GIGYF1: variants seen among roughly 807,000 people sequenced by gnomAD.
The protein encoded by GIGYF1 is GRB10 interacting GYF protein 1.
GIGYF1 carries 84 observed loss-of-function variants against 147.1 expected under a neutral mutation model. The observed-to-expected ratio is 0.57, with a 90% CI of 0.48 to 0.68. The LOEUF (loss-of-function observed/expected upper bound fraction) is 0.68. Among genes scored for constraint, GIGYF1 ranks in the 30% least tolerant of loss-of-function variants. GIGYF1 has a pLI of 0.00. For synonymous variants in GIGYF1, 752 were observed against 589.5 expected, an observed-to-expected ratio of 1.28 and a Z score of -3.99; for missense variants, 1,485 against 1,393.7, an observed-to-expected ratio of 1.07 and a Z score of -1.04.
Position 100,681,790 on chromosome 7 carries a change from T to C in GIGYF1, c.3056-19A>G, listed in dbSNP as rs767769861. The C allele has an allele frequency of 6.3e-6, 10 of 1,590,684 alleles. No homozygotes were observed. Among genetic ancestry groups the C allele is most frequent in the Admixed American group, 1.7e-5 (1 of 57,282 alleles). Reference sequence around the variant, plus strand: ...GAGTACCCTGAAGCCGGGGAGAAGCTGCGTCTGAGCTCTCTCCTGGGCTCC... The same window carrying C: ...GAGTACCCTGAAGCCGGGGAGAAGCCGCGTCTGAGCTCTCTCCTGGGCTCC... On this transcript the variant is annotated intron_variant, in intron 26 of 26. Coordinates refer to ENST00000678049, the MANE Select transcript of GIGYF1 (RefSeq NM_001375765.1).
intron 19 of GIGYF1, 90 bp from the exon 20 acceptor site, chr7:100,683,722 A>G (rs982260765): frequency 8.4e-6 from 13 of 1,553,756 alleles, no homozygotes; most frequent in Non-Finnish European, 1.2e-5. Context: ...CCCCAGCCAG[A>G]ATGGCAGCTA....
chr7:100,688,206 C>T lies in GIGYF1; in HGVS notation c.33G>A (p.Glu11=), dbSNP rs773809192. 8 of 1,612,356 alleles carry T rather than the reference C, an allele frequency of 5.0e-6. No individual in the cohort carries two copies. In the Admixed American group the frequency reaches 1.0e-4, roughly 20 times the overall value. Residue 11 remains glutamate, a splice_region_variant and synonymous_variant, in exon 4 of 27, where the codon GAG becomes GAA. Coordinates refer to ENST00000678049, the MANE Select transcript of GIGYF1 (RefSeq NM_001375765.1). Reference sequence around the variant, plus strand: ...CAGCCGAGGCACAAGTGACTCACCACTCAGGCCCAAAGTTGAGTGTCTCTG... The same window carrying T: ...CAGCCGAGGCACAAGTGACTCACCATTCAGGCCCAAAGTTGAGTGTCTCTG... MAAETLNFGP[E]WLRALSGGGS... is the part of the protein sequence containing the mutation.
At chr7:100,682,527 G>C (rs1019035432) in intron 23 of GIGYF1, 45 bp from the exon 24 acceptor site, 1 of 1,600,130 alleles carries the variant, frequency 6.2e-7, no homozygotes, top group African/African-American at 1.3e-5. Flanking sequence ...GCTGGCAGGG[G>C]TTGGGGGGGT....
Position 100,680,478 on chromosome 7 carries a change from A to T in GIGYF1, c.*1241T>A, listed in dbSNP as rs1804635819. The T allele has an allele frequency of 6.6e-6, 1 of 152,620 alleles. No homozygotes were observed. The highest frequency in any genetic ancestry group is 1.5e-5 in the Non-Finnish European group (1 of 68,060). The allele number at this position is 152,620 out of a possible 1,614,324, so 9.5% of individuals were successfully genotyped here. On this transcript the variant is annotated 3_prime_UTR_variant, in exon 27 of 27. Transcript: ENST00000678049. ...TAGAAGGGGCAGCCTCCTCTGACCC[A>T]GGAGCCGCACACTTCTCTTCACCCC...
Position 100,686,815 on chromosome 7 carries a change from T to C in GIGYF1, c.528A>G (p.Arg176=), listed in dbSNP as rs1172789961. Residue 176 remains arginine, a synonymous_variant, in exon 10 of 27, where the codon CGA becomes CGG. Transcript: ENST00000678049. The part of the protein sequence containing the change: ...FEKSARRDGA[R]CGFEEGGAGP... ...CAGCCCCTCCCTCCTCAAAGCCACA[T>C]CGTGCTGGGAGACGGGAAGACAGGG... 1 of 1,613,776 alleles carries C rather than the reference T, an allele frequency of 6.2e-7. No homozygotes were observed. The highest frequency in any genetic ancestry group is 1.7e-5 in the Admixed American group (1 of 60,006).
At chr7:100,693,512 C>A (rs1461781867) in intron 1 of GIGYF1, among the ~76,000 whole-genome samples, 1 of 152,130 alleles carries the variant, frequency 6.6e-6, no homozygotes, top group Non-Finnish European at 1.5e-5. Context: ...TGAGGAGGAC[C>A]CAGGCGAGGT....
At chr7:100,687,174 G>T in intron 8 of GIGYF1, 124 bp downstream of exon 8, 1 of 1,468,240 alleles carries the variant, frequency 6.8e-7, no homozygotes, top group East Asian at 2.3e-5. Context: ...GAAACCAGGG[G>T]TCAGGAGCAC....
At position 100,683,443 on chromosome 7, in the gene GIGYF1, A is replaced by T; in HGVS notation, c.2054T>A (p.Phe685Tyr). 6.2e-7 allele frequency: 1 copy of T among 1,614,080 alleles called. No individual in the cohort carries two copies. The highest frequency in any genetic ancestry group is 1.1e-5 in the South Asian group (1 of 91,082). Residue 685 changes from phenylalanine to tyrosine, a missense_variant and splice_region_variant, in exon 21 of 27, where the codon TTC (phenylalanine) becomes TAC (tyrosine). Physicochemically the swap from Phe to Tyr is conservative, Grantham distance 22. Coordinates refer to ENST00000678049, the MANE Select transcript of GIGYF1 (RefSeq NM_001375765.1). ...GAGCTCCACTTCTCTGCGCTCCTGG[A>T]ACTGAGACCAGTGGCCCATCAGAGG... ...ILEQLQLQHK[F>Y]QERREVELRA...
Position 100,684,724 on chromosome 7 carries a change from T to C in GIGYF1, c.1461A>G (p.Gln487=), listed in dbSNP as rs1328197904. 1 of 1,611,866 alleles carries C rather than the reference T, an allele frequency of 6.2e-7. No homozygotes were observed. The highest frequency in any genetic ancestry group is 1.7e-5 in the Admixed American group (1 of 59,884). ...WFYKDPQGEI[Q]GPFTTQEMAE... is the part of the protein sequence containing the mutation. ...AGCCCTCCCATCCCACACAGGTACC[T>C]TGGATCTCGCCCTGTGGGTCCTTGT... The change falls in exon 15 of 27, where the codon CAA becomes CAG. Residue 487 remains glutamine, a splice_region_variant and synonymous_variant. Coordinates refer to ENST00000678049, the MANE Select transcript of GIGYF1 (RefSeq NM_001375765.1).
chr7:100,687,822 G>C lies in GIGYF1; in HGVS notation c.227C>G (p.Pro76Arg), dbSNP rs766090105. The C allele has an allele frequency of 6.2e-7, 1 of 1,613,002 alleles. No individual in the cohort carries two copies. The highest frequency in any genetic ancestry group is 8.5e-7 in the Non-Finnish European group (1 of 1,179,996). ...CTCAGTCAGCGGCTCCAGAGCCAGGGGCTGCAGTGGCTCGTCCTGCAGCAC... is the reference window on the plus strand; with the variant it reads ...CTCAGTCAGCGGCTCCAGAGCCAGGCGCTGCAGTGGCTCGTCCTGCAGCAC... ...AAVLQDEPLQ[P>R]LALEPLTEEE... is the part of the protein sequence containing the mutation. Residue 76 changes from proline to arginine, a missense_variant, in exon 6 of 27, where the codon CCC becomes CGC. Coordinates refer to ENST00000678049, the MANE Select transcript of GIGYF1 (RefSeq NM_001375765.1).
Position 100,681,522 on chromosome 7 carries a change from G to C in GIGYF1, c.*197C>G. 2 of 420,712 alleles carry C rather than the reference G, an allele frequency of 4.8e-6. No homozygotes were observed. 26.1% of individuals were successfully genotyped at this position (420,712 alleles called of 1,614,324 possible). ...TTAAAATTAAAAAAAAAAATAAAAA[G>C]AAAAACCCCCTCCCCCAGTCTGTAA... On this transcript the variant is annotated 3_prime_UTR_variant, in exon 27 of 27. Coordinates refer to ENST00000678049, the MANE Select transcript of GIGYF1 (RefSeq NM_001375765.1).
Position 100,688,433 on chromosome 7 carries a change from G to A in GIGYF1, c.-70+18C>T. On this transcript the variant is annotated intron_variant, in intron 3 of 26. Coordinates refer to ENST00000678049, the MANE Select transcript of GIGYF1 (RefSeq NM_001375765.1). ...CCCGGACTAGCTGGTGGGTCACCTG[G>A]GGTCTAAAAGGACTCACCTGAGCCA... 2 of 697,786 alleles carry A rather than the reference G, an allele frequency of 2.9e-6. No individual in the cohort carries two copies. Among genetic ancestry groups the A allele is most frequent in the South Asian group, 3.0e-5 (2 of 65,888 alleles). The allele number at this position is 697,786 out of a possible 1,614,324, so 43.2% of individuals were successfully genotyped here.
rs773137721 is a variant in GIGYF1 at position 100,685,063 on chromosome 7, T to G, written c.1276A>C (p.Lys426Gln). The G allele has an allele frequency of 1.1e-5, 17 of 1,570,412 alleles. No individual in the cohort carries two copies. Among genetic ancestry groups the G allele is most frequent in the Non-Finnish European group, 1.5e-5 (17 of 1,156,878 alleles). ...GGCCCCCACACCTGCTGCAGGTGCTTCAAGCCTTCATCATCCTCCAGATCT... is the reference window on the plus strand; with the variant it reads ...GGCCCCCACACCTGCTGCAGGTGCTGCAAGCCTTCATCATCCTCCAGATCT... ...PGDLEDDEGLKHLQQEAEKLV... is the reference protein window; with the variant it reads ...PGDLEDDEGLQHLQQEAEKLV... The change falls in exon 14 of 27, where the codon AAG becomes CAG. Residue 426 changes from lysine to glutamine, a missense_variant. Physicochemically the swap from Lys to Gln is moderately conservative, Grantham distance 53 (BLOSUM62 1). Transcript: ENST00000678049.
rs779432351 is a variant in GIGYF1 at position 100,686,302 on chromosome 7, G to A, written c.826C>T (p.Arg276Trp). Residue 276 changes from arginine (R) to tryptophan (W), a missense_variant, in exon 11 of 27, where the codon CGG (arginine) becomes TGG (tryptophan). Transcript: ENST00000678049. ...GRGGGGSSHL[R>W]RCRAPEGFEE... ...AAGCCTTCAGGCGCTCGGCACCGCC[G>A]CAGGTGAGAGCTGCCTCCCCCTCCC... 11 of 1,613,876 alleles carry A rather than the reference G, an allele frequency of 6.8e-6. No individual in the cohort carries two copies. Among genetic ancestry groups the A allele is most frequent in the South Asian group, 2.2e-5 (2 of 91,068 alleles).
At position 100,685,491 on chromosome 7, in the gene GIGYF1, G is replaced by A. The variant is rs369934472; in HGVS notation, c.1055-10C>T. On this transcript the variant is annotated splice_polypyrimidine_tract_variant and intron_variant, in intron 12 of 26. Transcript: ENST00000678049. ...GTCAGCTCTTTCCCACCTAGAAGAG[G>A]GAGATGGCCAGAGTTCAGAACCAAG... is the stretch of plus-strand genomic sequence containing the variant. The A allele has an allele frequency of 2.6e-5, 42 of 1,597,146 alleles. No homozygotes were observed. The African/African-American group carries it at 5.0e-4, about 19-fold the overall frequency.
In GIGYF1 at chr7:100,686,197, C is replaced by T. The variant is rs751192705; in HGVS notation, c.931G>A (p.Ala311Thr). 1 of 1,611,710 alleles carries T rather than the reference C, an allele frequency of 6.2e-7. No individual in the cohort carries two copies. The highest frequency in any genetic ancestry group is 1.3e-5 in the African/African-American group (1 of 74,868). ...ACAGATACCTTGAGAGGCAAGAAGG[C>T]CCCAGAGGCATCAAAGGTGCCCATT... is the stretch of plus-strand genomic sequence containing the variant. ...EEMGTFDASG[A>T]FLPLKKGPKE... Residue 311 changes from alanine (A) to threonine (T), a missense_variant, in exon 11 of 27, where the codon GCC becomes ACC. By Grantham distance (58) the Ala-to-Thr change is moderately conservative. Transcript: ENST00000678049.
Position 100,681,357 on chromosome 7 carries a change from TA to T in GIGYF1, c.*361del, listed in dbSNP as rs368356220. 1,716 of 138,276 alleles carry T rather than the reference TA, an allele frequency of 0.012. 30 individuals are homozygous for T. The highest frequency in any genetic ancestry group is 0.042 in the African/African-American group (1,527 of 36,370). The allele number at this position is 138,276 out of a possible 1,614,324, so 8.6% of individuals were successfully genotyped here. On this transcript the variant is annotated 3_prime_UTR_variant, in exon 27 of 27. Coordinates refer to ENST00000678049, the MANE Select transcript of GIGYF1 (RefSeq NM_001375765.1). ...TTTTTCATTTTTCATCTTTTTTTCT[TA>T]AAAAAAAAAAAAAAACCAAAAAACA...
chr7:100,693,418 G>A (rs1016534661), intron 1 of GIGYF1, among the ~76,000 whole-genome samples: 1 of 152,150 alleles, frequency 6.6e-6, no homozygotes, highest in Non-Finnish European at 1.5e-5. Flanking sequence ...TGCTAAGGAA[G>A]GTATTTCCCG....
In GIGYF1 at chr7:100,679,952, A is replaced by C. The variant is rs1804570375; in HGVS notation, c.*1767T>G. ...GGTGGGGGGGTTACATTCAGTCACA[A>C]CAGGAGTCTCCCCCACACCTGGCAA... On this transcript the variant is annotated 3_prime_UTR_variant, in exon 27 of 27. Coordinates refer to ENST00000678049, the MANE Select transcript of GIGYF1 (RefSeq NM_001375765.1). 1 of 152,550 alleles carries C rather than the reference A, an allele frequency of 6.6e-6. No homozygotes were observed. Among genetic ancestry groups the C allele is most frequent in the African/African-American group, 2.4e-5 (1 of 41,366 alleles). 9.4% of individuals were successfully genotyped at this position (152,550 alleles called of 1,614,324 possible).
Sources: gnomAD v4.1 joint callset for allele counts (sites outside exome capture counted in the v4.1 genomes callset) on GRCh38, gnomAD v4.1.1 for gene constraint, MANE v1.5 for transcripts, NCBI Gene and HGNC (gene_info 2026-07-23, HGNC 2026-07-21) for gene names.